PREP: variants seen among roughly 807,000 people sequenced by gnomAD.
The protein encoded by PREP is prolyl endopeptidase.
In PREP, 29 loss-of-function variants were observed where a neutral mutation model predicts 87.6. That is an observed-to-expected ratio of 0.33 (90% CI 0.25 to 0.45). The LOEUF is 0.45. Ranked by LOEUF, PREP falls within the 20% of genes least tolerant of loss-of-function variation. The probability of loss-of-function intolerance (pLI) is 1.00; values close to 1 mark genes in which losing one functional copy is unlikely to be tolerated. For missense variants in PREP, 695 were observed against 886.5 expected, an observed-to-expected ratio of 0.78 and a Z score of 2.74; for synonymous variants, 337 against 328.6, an observed-to-expected ratio of 1.03 and a Z score of -0.28.
intron 6 of PREP, among the ~76,000 whole-genome samples, chr6:105,367,057 A>C (rs910529386): frequency 6.6e-6 from 1 of 152,218 alleles, no homozygotes; most frequent in Non-Finnish European, 1.5e-5. Flanking sequence ...ACTTAATGCC[A>C]CTGAACTTGT....
chr6:105,317,122 A>T (rs114161671), intron 10 of PREP, among the ~76,000 whole-genome samples: 3,627 of 151,692 alleles, frequency 0.024, 84 homozygotes, highest in African/African-American at 0.059. Context: ...ATTAAAAAAA[A>T]ATATATATAT....
In PREP at chr6:105,281,681, T is replaced by C. The variant is rs28362538; in HGVS notation, c.1838+65A>G. The C allele has an allele frequency of 3.6e-4, 557 of 1,552,368 alleles. 11 individuals are homozygous for C. In the East Asian group the frequency reaches 0.012, roughly 35 times the overall value. ...AGTGACAAAGCTCAAGCACTAATCC[T>C]GCTGTGACTGTGTTCAACTTTATAT... On this transcript the variant is annotated intron_variant, in intron 14 of 14. Transcript: ENST00000652536.
chr6:105,274,495 G>T lies in PREP; in HGVS notation c.*3649C>A, dbSNP rs75366480. 0.04 allele frequency among the ~76,000 whole-genome samples: 6,055 copies of T among 152,202 alleles called. 385 individuals are homozygous for T. The highest frequency in any genetic ancestry group is 0.14 in the African/African-American group (5,822 of 41,476). The stretch of plus-strand genomic sequence containing the variant: ...AAGAGAGCTGTTTCGGCTGGGCATG[G>T]TGGCTCATGCCTGTAATCCCAGCAT... On this transcript the variant is annotated 3_prime_UTR_variant, in exon 15 of 15. Coordinates refer to ENST00000652536, the MANE Select transcript of PREP (RefSeq NM_002726.5).
At chr6:105,306,442 A>G (rs1048210330) in intron 10 of PREP, among the ~76,000 whole-genome samples, 1 of 152,148 alleles carries the variant, frequency 6.6e-6, no homozygotes, top group African/African-American at 2.4e-5. Context: ...CCCTTCATTC[A>G]TGAGAAGCAG....
In PREP at chr6:105,281,775, G is replaced by C. The variant is rs750535398; in HGVS notation, c.1809C>G (p.Asp603Glu). 2.0e-5 allele frequency: 33 copies of C among 1,614,042 alleles called. No homozygotes were observed. Among genetic ancestry groups the C allele is most frequent in the Middle Eastern group, 1.6e-4 (1 of 6,062 alleles). ...HAWTTDYGCS[D>E]SKQHFEWLVK... is the part of the protein sequence containing the mutation. Reference sequence around the variant, plus strand: ...CAAGCCATTCAAAGTGTTGTTTGCTGTCCGAGCACCCATAATCAGTGGTCC... The same window carrying C: ...CAAGCCATTCAAAGTGTTGTTTGCTCTCCGAGCACCCATAATCAGTGGTCC... Residue 603 changes from aspartate to glutamate, a missense_variant, in exon 14 of 15, where the codon GAC becomes GAG. Around this residue, in one of 5 missense-constraint regions of PREP, gnomAD observed 121 missense variants for 154.8 expected, o/e 0.78. Coordinates refer to ENST00000652536, the MANE Select transcript of PREP (RefSeq NM_002726.5).
intron 2 of PREP, among the ~76,000 whole-genome samples, chr6:105,396,893 A>C (rs1301488634): frequency 6.6e-6 from 1 of 152,120 alleles, no homozygotes; most frequent in Non-Finnish European, 1.5e-5. Flanking sequence ...CATAAAGTAC[A>C]CATAAATGGG....
At chr6:105,327,346 C>T (rs887748382) in intron 9 of PREP, among the ~76,000 whole-genome samples, 29 of 152,256 alleles carry the variant, frequency 1.9e-4, no homozygotes, top group Middle Eastern at 3.4e-3. Flanking sequence ...GTCGAATTCT[C>T]GAACGGTCAC....
In PREP at chr6:105,388,337, T is replaced by C. The variant is rs530744236; in HGVS notation, c.120+9516A>G. On this transcript the variant is annotated intron_variant, in intron 2 of 14. Transcript: ENST00000652536. ...AGCAATGCTGGGTGAAAAGTGACAT[T>C]CCTGCCTGCTCAGAGCCTGGCCCTT... is the stretch of plus-strand genomic sequence containing the variant. Among the ~76,000 whole-genome samples, 122 of 152,296 alleles carry C rather than the reference T, an allele frequency of 8.0e-4. 1 individual carries two copies. The highest frequency in any genetic ancestry group is 3.4e-3 in the Middle Eastern group (1 of 294).
At chr6:105,351,491 GA>G (rs1285627841) in intron 7 of PREP, among the ~76,000 whole-genome samples, 30 of 152,266 alleles carry the variant, frequency 2.0e-4, no homozygotes, top group African/African-American at 6.5e-4. Context: ...GGTTGCAGGG[GA>G]AAGATAAGGA....
chr6:105,278,279 T>G lies in PREP; in HGVS notation c.1998A>C (p.Gln666His). ...LQYIVGRSRK[Q>H]SNPLLIHVDT... ...CCACGTGGATAAGCAGGGGGTTGCT[T>G]TGCTTCCTGCTGCGGCCCACGATGT... The change falls in exon 15 of 15, where the codon CAA (glutamine) becomes CAC (histidine). Residue 666 changes from glutamine (Q) to histidine (H), a missense_variant. Gln to His is a conservative substitution (Grantham distance 24). This residue lies in a region of PREP where 121 missense variants were observed against 154.8 expected (regional missense o/e 0.78). Transcript: ENST00000652536. The surrounding 1 kb of genome is among the most constrained non-coding windows in gnomAD (Gnocchi z 4.2). 1 of 1,614,198 alleles carries G rather than the reference T, an allele frequency of 6.2e-7. No individual in the cohort carries two copies. The highest frequency in any genetic ancestry group is 1.1e-5 in the South Asian group (1 of 91,086).
chr6:105,402,689 C>A (rs1374200911), intron 1 of PREP, among the ~76,000 whole-genome samples, 158 bp downstream of exon 1: 1 of 152,166 alleles, frequency 6.6e-6, no homozygotes, highest in Non-Finnish European at 1.5e-5. Flanking sequence ...GCAGAGGAGC[C>A]CCGCGCCCCC....
At chr6:105,391,791 T>C (rs1239842340) in intron 2 of PREP, among the ~76,000 whole-genome samples, 1 of 151,938 alleles carries the variant, frequency 6.6e-6, no homozygotes, top group African/African-American at 2.4e-5. Context: ...TAAGGCAAAG[T>C]GTGGGGTTTG....
At chr6:105,311,354 C>A (rs769372669) in intron 10 of PREP, among the ~76,000 whole-genome samples, 1 of 152,184 alleles carries the variant, frequency 6.6e-6, no homozygotes, top group Non-Finnish European at 1.5e-5. Flanking sequence ...TCCACTCCCC[C>A]CTTACTCACT....
intron 10 of PREP, among the ~76,000 whole-genome samples, chr6:105,296,640 TC>T (rs564509931): frequency 6.6e-6 from 1 of 152,236 alleles, no homozygotes; most frequent in Non-Finnish European, 1.5e-5. Context: ...TCTGTTCTTT[TC>T]CTCTCATTGT....
At chr6:105,342,086 G>A (rs1771670418) in intron 7 of PREP, among the ~76,000 whole-genome samples, 1 of 152,136 alleles carries the variant, frequency 6.6e-6, no homozygotes, top group Non-Finnish European at 1.5e-5. Flanking sequence ...AACAAAAAAA[G>A]AGAATTTTAG....
Position 105,277,754 on chromosome 6 carries a change from A to C in PREP, c.*390T>G, listed in dbSNP as rs1769977087. ...ATAACATTTATTATTGTTGCAAAGA[A>C]GTCTTCTCCATGAGAACAGTTCTCA... On this transcript the variant is annotated 3_prime_UTR_variant, in exon 15 of 15. Coordinates refer to ENST00000652536, the MANE Select transcript of PREP (RefSeq NM_002726.5). 1 of 170,444 alleles carries C rather than the reference A, an allele frequency of 5.9e-6. No individual in the cohort carries two copies. Among genetic ancestry groups the C allele is most frequent in the Admixed American group, 5.8e-5 (1 of 17,246 alleles). The allele number at this position is 170,444 out of a possible 1,614,324, so 10.6% of individuals were successfully genotyped here. A position where few individuals can be genotyped will look rare whatever the true frequency, so the allele number is the denominator to read the frequency against.
At chr6:105,350,114 T>A (rs1771907543) in intron 7 of PREP, among the ~76,000 whole-genome samples, 1 of 151,824 alleles carries the variant, frequency 6.6e-6, no homozygotes, top group African/African-American at 2.4e-5. Flanking sequence ...GCAGATAGAC[T>A]TTTTTTTGTT....
At chr6:105,338,222 A>T (rs1771529381) in intron 7 of PREP, among the ~76,000 whole-genome samples, 1 of 152,190 alleles carries the variant, frequency 6.6e-6, no homozygotes, top group South Asian at 2.1e-4. Context: ...TGAAACCTTT[A>T]TTTCACAAAA....
Position 105,403,073 on chromosome 6 carries a change from T to G in PREP, c.-182A>C, listed in dbSNP as rs1395306494. The stretch of plus-strand genomic sequence containing the variant: ...GACTGGCGGCGCGGCGGCGAGGACG[T>G]GCAGAAAGCAGGAAGCCGCTGTCTG... On this transcript the variant is annotated 5_prime_UTR_variant, in exon 1 of 15. Coordinates refer to ENST00000652536, the MANE Select transcript of PREP (RefSeq NM_002726.5). The G allele has an allele frequency of 3.7e-6, 1 of 269,202 alleles. No individual in the cohort carries two copies. The highest frequency in any genetic ancestry group is 5.4e-5 in the Admixed American group (1 of 18,364). 16.7% of individuals were successfully genotyped at this position (269,202 alleles called of 1,614,324 possible). A position where few individuals can be genotyped will look rare whatever the true frequency, so the allele number is the denominator to read the frequency against.
Sources: gnomAD v4.1 joint callset for allele counts (sites outside exome capture counted in the v4.1 genomes callset) on GRCh38, gnomAD v4.1.1 for gene constraint, gnomAD v4.1.1 regional missense constraint, Gnocchi (gnomAD v3.1) non-coding constraint, MANE v1.5 for transcripts, NCBI Gene and HGNC (gene_info 2026-07-23, HGNC 2026-07-21) for gene names.